VWA8: variants seen among roughly 807,000 people sequenced by gnomAD.
VWA8 encodes von Willebrand factor A domain containing 8.
Under a neutral mutation model 241.5 loss-of-function variants are expected in VWA8, and 221 were observed. The observed-to-expected ratio is 0.91, with a 90% confidence interval of 0.82 to 1.02. VWA8 has a LOEUF of 1.02. Among genes scored for constraint, VWA8 ranks in the 50% least tolerant of loss-of-function variants. The pLI is 0.00. For missense variants in VWA8, 2,322 were observed against 2,328.7 expected, an observed-to-expected ratio of 1.00 and a Z score of 0.06; for synonymous variants, 852 against 827.1, an observed-to-expected ratio of 1.03 and a Z score of -0.52.
chr13:41,622,668 T>A (rs1015441404), intron 37 of VWA8, among the ~76,000 whole-genome samples: 7 of 152,196 alleles, frequency 4.6e-5, no homozygotes, highest in Admixed American at 6.5e-5. Context: ...GGAAAAAACA[T>A]GGATCTTGTA....
chr13:41,648,684 A>C (rs2044849009), intron 37 of VWA8, among the ~76,000 whole-genome samples: 2 of 152,178 alleles, frequency 1.3e-5, no homozygotes, highest in African/African-American at 4.8e-5. Context: ...ACCTACAAAA[A>C]CTTTTTCATC....
intron 15 of VWA8, among the ~76,000 whole-genome samples, chr13:41,817,149 A>G (rs1164182271): frequency 2.6e-5 from 4 of 152,194 alleles, no homozygotes; most frequent in Non-Finnish European, 5.9e-5. Context: ...CATTTTAAGT[A>G]CTAATTAGGT....
At chr13:41,769,059 T>C (rs188981033) in intron 20 of VWA8, among the ~76,000 whole-genome samples, 24 of 152,306 alleles carry the variant, frequency 1.6e-4, no homozygotes, top group African/African-American at 4.8e-4. Context: ...CATGCCACCA[T>C]GCCCAGATAA....
chr13:41,691,413 C>A lies in VWA8; in HGVS notation c.3773G>T (p.Gly1258Val). Residue 1258 changes from glycine to valine, a missense_variant, in exon 32 of 45, where the codon GGG (glycine) becomes GTG (valine). Gly to Val is a moderately radical substitution (Grantham distance 109, BLOSUM62 -3). Coordinates refer to ENST00000379310, the MANE Select transcript of VWA8 (RefSeq NM_015058.2). ...NSLTVLDVLEGRTHTISLPIN... is the reference protein window; with the variant it reads ...NSLTVLDVLEVRTHTISLPIN... The stretch of plus-strand genomic sequence containing the variant: ...GGGAAGTGAGATGGTGTGAGTTCGC[C>A]CTTCTAGAACATCCAGCACAGTCAG... The A allele has an allele frequency of 9.3e-6, 15 of 1,612,554 alleles. No individual in the cohort carries two copies. Among genetic ancestry groups the A allele is most frequent in the Non-Finnish European group, 1.2e-5 (14 of 1,179,022 alleles).
At chr13:41,591,008 C>T (rs1383565863) in intron 40 of VWA8, among the ~76,000 whole-genome samples, 1 of 151,986 alleles carries the variant, frequency 6.6e-6, no homozygotes, top group Non-Finnish European at 1.5e-5. Flanking sequence ...CAAATGAGTC[C>T]CTGGAGAGAT....
chr13:41,578,531 T>A (rs896566179), intron 42 of VWA8, among the ~76,000 whole-genome samples: 5 of 152,150 alleles, frequency 3.3e-5, no homozygotes, highest in African/African-American at 1.2e-4. Flanking sequence ...TCCTGAAAAT[T>A]GTGTGGGTTA....
At chr13:41,655,337 C>A (rs753670762) in intron 37 of VWA8, among the ~76,000 whole-genome samples, 8 of 152,178 alleles carry the variant, frequency 5.3e-5, no homozygotes, top group Non-Finnish European at 1.2e-4. Flanking sequence ...GATCCGCCCA[C>A]TTCAGCCTCC....
chr13:41,584,893 C>A (rs1429679918), intron 42 of VWA8, among the ~76,000 whole-genome samples: 4 of 152,134 alleles, frequency 2.6e-5, no homozygotes, highest in Non-Finnish European at 4.4e-5. Context: ...TGTGAAGAAG[C>A]AGCTCTGCTC....
chr13:41,835,735 T>A (rs1383474060), intron 12 of VWA8, among the ~76,000 whole-genome samples: 1 of 152,184 alleles, frequency 6.6e-6, no homozygotes, highest in African/African-American at 2.4e-5. Flanking sequence ...CATATAAATA[T>A]ATATGTGTCT....
rs777681472 is a variant in VWA8, at chr13:41,868,331, C to A, written c.1212+15G>T. 8 of 1,613,350 alleles carry A rather than the reference C, an allele frequency of 5.0e-6. No individual in the cohort carries two copies. The highest frequency in any genetic ancestry group is 6.8e-6 in the Non-Finnish European group (8 of 1,179,746). ...TAAGGTATATCATAGAAAGAATAAA[C>A]CTGTGATTAATTACCTTAATGGTCA... On this transcript the variant is annotated intron_variant, in intron 10 of 44. Coordinates refer to ENST00000379310, the MANE Select transcript of VWA8 (RefSeq NM_015058.2).
intron 34 of VWA8, among the ~76,000 whole-genome samples, chr13:41,688,739 TATCAC>T (rs1454234845): frequency 1.3e-5 from 2 of 151,966 alleles, no homozygotes; most frequent in Admixed American, 6.6e-5. Flanking sequence ...AAAAACCAAA[TATCAC>T]ATGTTCTCAC....
chr13:41,810,698 G>A (rs1349309038), intron 17 of VWA8, among the ~76,000 whole-genome samples: 3 of 152,054 alleles, frequency 2.0e-5, no homozygotes, highest in Admixed American at 2.0e-4. Context: ...TCTAGTATTT[G>A]ATAGCATAAC....
intron 9 of VWA8, among the ~76,000 whole-genome samples, chr13:41,875,866 C>G (rs1372117733): frequency 6.6e-6 from 1 of 152,076 alleles, no homozygotes; most frequent in Non-Finnish European, 1.5e-5. Flanking sequence ...GTATATGCAA[C>G]TGCCTCTTTG....
intron 29 of VWA8, among the ~76,000 whole-genome samples, 189 bp downstream of exon 29, chr13:41,698,882 T>C (rs373636786): frequency 3.9e-5 from 6 of 152,194 alleles, no homozygotes; most frequent in African/African-American, 1.4e-4. Context: ...ATAGGTCATG[T>C]TGAAGTCTCT....
rs764524395 is a variant in VWA8 at position 41,891,474 on chromosome 13, C to T, written c.597G>A (p.Gln199=). The T allele has an allele frequency of 6.2e-7, 1 of 1,614,238 alleles. No individual in the cohort carries two copies. Among genetic ancestry groups the T allele is most frequent in the Non-Finnish European group, 8.5e-7 (1 of 1,180,042 alleles). ...LNNLLENREM[Q]LEDGRFLMSA... ...ACATCAGGAAGCGTCCATCTTCAAG[C>T]TGCATCTCTCTGTTTTCCAGCAAGT... Residue 199 remains glutamine (Q), a synonymous_variant, in exon 5 of 45, where the codon CAG becomes CAA. Coordinates refer to ENST00000379310, the MANE Select transcript of VWA8 (RefSeq NM_015058.2).
chr13:41,784,263 A>G (rs1291212947), intron 18 of VWA8, among the ~76,000 whole-genome samples: 4 of 152,164 alleles, frequency 2.6e-5, no homozygotes, highest in Non-Finnish European at 5.9e-5. Flanking sequence ...GCTCCAAAGT[A>G]CCTTGAATAT....
At chr13:41,639,925 C>T (rs183165982) in intron 37 of VWA8, among the ~76,000 whole-genome samples, 3 of 152,174 alleles carry the variant, frequency 2.0e-5, no homozygotes, top group East Asian at 1.9e-4. Context: ...CTCCTGGAAC[C>T]TAAAATAAAA....
Position 41,699,458 on chromosome 13 carries a change from G to C in VWA8, c.3365-188C>G, listed in dbSNP as rs565024678. ...CAACTTAGTTTTGACCCTAAATGTA[G>C]ATAAGGTCACACCTACCTACTTGAA... On this transcript the variant is annotated intron_variant, in intron 28 of 44. Coordinates refer to ENST00000379310, the MANE Select transcript of VWA8 (RefSeq NM_015058.2). Among the ~76,000 whole-genome samples the C allele has an allele frequency of 5.9e-5, 9 of 152,214 alleles. No homozygotes were observed. The South Asian group carries it at 1.9e-3, about 32-fold the overall frequency.
intron 2 of VWA8, among the ~76,000 whole-genome samples, chr13:41,918,729 T>C (rs1346355237): frequency 6.6e-6 from 1 of 152,148 alleles, no homozygotes; most frequent in Non-Finnish European, 1.5e-5. Context: ...TACAAAAGTA[T>C]GGTCTGCAAA....
Sources: gnomAD v4.1 joint callset for allele counts (sites outside exome capture counted in the v4.1 genomes callset) on GRCh38, gnomAD v4.1.1 for gene constraint, MANE v1.5 for transcripts, NCBI Gene and HGNC (gene_info 2026-07-23, HGNC 2026-07-21) for gene names.